Variants in RBM6 observed in about 807,000 individuals in gnomAD.
RBM6 encodes the protein RNA-binding protein 6.
In RBM6, 23 loss-of-function variants were observed where a neutral mutation model predicts 140.4. The ratio of observed to expected loss-of-function variants is 0.16; its 90% CI spans 0.12 to 0.23. RBM6 has a LOEUF of 0.23. Ranked by LOEUF, RBM6 falls within the 10% of genes least tolerant of loss-of-function variation. RBM6 has a pLI of 1.00. For synonymous variants in RBM6, 439 were observed against 475.6 expected, an observed-to-expected ratio of 0.92 and a Z score of 1.00; for missense variants, 1,139 against 1,386.7, an observed-to-expected ratio of 0.82 and a Z score of 2.84.
intron 6 of RBM6, among the ~76,000 whole-genome samples, chr3:50,043,554 A>AT (rs2089049725): frequency 6.6e-6 from 1 of 151,482 alleles, no homozygotes; most frequent in African/African-American, 2.4e-5. Context: ...ACATACATAC[A>AT]TATATGTATG....
At chr3:50,040,501 C>CACAA (rs2088847589) in intron 6 of RBM6, among the ~76,000 whole-genome samples, 1 of 139,184 alleles carries the variant, frequency 7.2e-6, no homozygotes, top group Non-Finnish European at 1.5e-5. Context: ...TATACACACA[C>CACAA]ACACACACAC....
At position 50,058,013 on chromosome 3, in the gene RBM6, T is replaced by C. The variant is rs958864108; in HGVS notation, c.1969+10T>C. 10 of 1,610,692 alleles carry C rather than the reference T, an allele frequency of 6.2e-6. No homozygotes were observed. The Admixed American group carries it at 8.4e-5, about 13-fold the overall frequency. On this transcript the variant is annotated intron_variant, in intron 9 of 20. Coordinates refer to ENST00000266022, the MANE Select transcript of RBM6 (RefSeq NM_005777.3). ...GATGGAGAGAGCAAAAGTAAGTAGT[T>C]TGTCAGGGCACATACCAGACTGTGA...
chr3:50,048,370 T>G, intron 7 of RBM6, 51 bp downstream of exon 7: 2 of 1,585,332 alleles, frequency 1.3e-6, no homozygotes, highest in Non-Finnish European at 1.7e-6. Flanking sequence ...GAATAACAGC[T>G]CCTCCATATC....
At chr3:50,026,362 C>T (rs1366321077) in intron 6 of RBM6, among the ~76,000 whole-genome samples, 1 of 148,462 alleles carries the variant, frequency 6.7e-6, no homozygotes, top group Non-Finnish European at 1.5e-5. Flanking sequence ...GGATTATAGG[C>T]GTGAGCCACT....
intron 9 of RBM6, 33 bp from the exon 10 acceptor site, chr3:50,058,369 G>C (rs1327857616): frequency 1.3e-6 from 2 of 1,576,982 alleles, no homozygotes; most frequent in Non-Finnish European, 1.7e-6. Flanking sequence ...TCTCTCCCTT[G>C]TGTTGCCCTT....
intron 2 of RBM6, among the ~76,000 whole-genome samples, chr3:49,965,853 A>G (rs1430229239): frequency 6.6e-6 from 1 of 151,662 alleles, no homozygotes; most frequent in East Asian, 2.0e-4. Context: ...TTGGCCGGGC[A>G]TGGTGGCTCA....
chr3:49,948,548 A>G (rs1468103842), intron 1 of RBM6, among the ~76,000 whole-genome samples: 1 of 151,700 alleles, frequency 6.6e-6, no homozygotes, highest in Admixed American at 6.6e-5. Context: ...CCTAGTCTCT[A>G]CTAAAAATAC....
chr3:50,068,231 T>C (rs2090181017), intron 17 of RBM6, among the ~76,000 whole-genome samples: 1 of 152,164 alleles, frequency 6.6e-6, no homozygotes, highest in African/African-American at 2.4e-5. Context: ...TTCATACATA[T>C]GTCTGAGGGC....
intron 6 of RBM6, among the ~76,000 whole-genome samples, chr3:50,012,264 T>C (rs1021861541): frequency 1.3e-5 from 2 of 152,108 alleles, no homozygotes; most frequent in African/African-American, 4.8e-5. Flanking sequence ...GCCAAGGTGG[T>C]CTTGAACTCC....
intron 1 of RBM6, among the ~76,000 whole-genome samples, chr3:49,953,836 A>G (rs1455665423): frequency 1.3e-5 from 2 of 152,106 alleles, no homozygotes; most frequent in Non-Finnish European, 2.9e-5. Context: ...GACTAATTAA[A>G]AAAAAAATTT....
In RBM6 at chr3:49,968,436, A is replaced by G. The variant is rs777786423; in HGVS notation, c.1011A>G (p.Ser337=). ...TTCAGAAGGGAGAATTTGAGCATTC[A>G]GAAACAAGAGAAGGAGAAACACAAG... is the stretch of plus-strand genomic sequence containing the variant. ...FGIQKGEFEH[S]ETREGETQGV... is the part of the protein sequence containing the mutation. Residue 337 remains serine, a synonymous_variant, in exon 3 of 21, where the codon TCA becomes TCG. Transcript: ENST00000266022. The G allele has an allele frequency of 1.2e-6, 2 of 1,614,230 alleles. No individual in the cohort carries two copies. Among genetic ancestry groups the G allele is most frequent in the East Asian group, 2.2e-5 (1 of 44,886 alleles).
intron 19 of RBM6, among the ~76,000 whole-genome samples, chr3:50,071,628 C>T (rs2090299887): frequency 6.6e-6 from 1 of 152,044 alleles, no homozygotes; most frequent in South Asian, 2.1e-4. Context: ...AAGGGAGACC[C>T]TGCCTCTATT....
chr3:49,996,909 A>G (rs1365610528), intron 5 of RBM6, among the ~76,000 whole-genome samples: 8 of 152,186 alleles, frequency 5.3e-5, no homozygotes, highest in Non-Finnish European at 1.2e-4. Context: ...TTTAAAGCTC[A>G]GTATTGGTAC....
In RBM6 at chr3:49,992,271, T is replaced by C. The variant is rs1380361895; in HGVS notation, c.1484-7169T>C. Among the ~76,000 whole-genome samples the C allele has an allele frequency of 2.6e-5, 4 of 151,940 alleles. No individual in the cohort carries two copies. The East Asian group carries it at 7.7e-4, about 29-fold the overall frequency. ...TTGGTCCCAGAGCCTTTTAGAACAG[T>C]GTTGAGTTGCCCTTTATTTGCACCA... On this transcript the variant is annotated intron_variant, in intron 5 of 20. Coordinates refer to ENST00000266022, the MANE Select transcript of RBM6 (RefSeq NM_005777.3).
chr3:49,940,953 T>C (rs533902719), intron 1 of RBM6: 1 of 143,528 alleles, frequency 7.0e-6, no homozygotes, highest in South Asian at 2.2e-4. Context: ...ACCGTGAGCG[T>C]AATTGTATTT....
In RBM6 at chr3:50,021,140, G is replaced by A. The variant is rs578043482; in HGVS notation, c.1557+21627G>A. Among the ~76,000 whole-genome samples the A allele has an allele frequency of 1.9e-3, 296 of 152,308 alleles. 1 individual carries two copies. The highest frequency in any genetic ancestry group is 6.9e-3 in the African/African-American group (287 of 41,564). ...GGCCCATAATGTGCTGCGTGAGCTT[G>A]AAGAGAATATGTAGTTCGCTGTTGC... On this transcript the variant is annotated intron_variant, in intron 6 of 20. Coordinates refer to ENST00000266022, the MANE Select transcript of RBM6 (RefSeq NM_005777.3).
At chr3:50,020,580 G>C in intron 6 of RBM6, among the ~76,000 whole-genome samples, 1 of 152,252 alleles carries the variant, frequency 6.6e-6, no homozygotes, top group East Asian at 1.9e-4. Flanking sequence ...ATCGTTTACA[G>C]TTGTGTGTTA....
chr3:49,959,987 G>T (rs1443062900), intron 1 of RBM6, among the ~76,000 whole-genome samples: 1 of 152,160 alleles, frequency 6.6e-6, no homozygotes, highest in African/African-American at 2.4e-5. Flanking sequence ...CTCAACTTCT[G>T]TGGGCATCTA....
chr3:49,980,483 C>T (rs2085258182), intron 5 of RBM6, among the ~76,000 whole-genome samples: 1 of 151,766 alleles, frequency 6.6e-6, no homozygotes. Context: ...TCTGGGGCCA[C>T]ACGCGGTGGC....
Sources: allele counts gnomAD v4.1 joint callset (sites outside exome capture counted in the v4.1 genomes callset), GRCh38; gene constraint gnomAD v4.1.1; transcripts MANE v1.5; gene names NCBI Gene and HGNC (gene_info 2026-07-23, HGNC 2026-07-21).